TNFSF4: variants seen among roughly 807,000 people sequenced by gnomAD.
The protein encoded by TNFSF4 is tumor necrosis factor ligand superfamily member 4.
Under a neutral mutation model 7.3 loss-of-function variants are expected in TNFSF4, and 4 were observed. That is an observed-to-expected ratio of 0.55 (90% CI 0.27 to 1.25). TNFSF4 has a LOEUF of 1.25. TNFSF4 is among the 50% of genes most tolerant of loss of function. The pLI, the probability that TNFSF4 is intolerant of heterozygous loss-of-function variation, is 0.12. For missense variants in TNFSF4, 181 were observed against 208.8 expected (o/e 0.87, Z 0.82); for synonymous variants, 76 against 83.7 (o/e 0.91, Z 0.50).
chr1:173,312,846 C>T, the TNFSF4 span, among the ~76,000 whole-genome samples: 3 of 152,202 alleles, frequency 2.0e-5, no homozygotes, highest in East Asian at 5.8e-4. Flanking sequence ...GAAAGAAGTA[C>T]CTGCTACACG....
the TNFSF4 span, among the ~76,000 whole-genome samples, chr1:173,432,069 T>C: frequency 3.9e-5 from 6 of 152,140 alleles, no homozygotes; most frequent in Non-Finnish European, 8.8e-5. Flanking sequence ...CCTAAGAGGG[T>C]AGAAGCAGAA....
chr1:173,301,511 G>A, the TNFSF4 span, among the ~76,000 whole-genome samples: 1 of 151,834 alleles, frequency 6.6e-6, no homozygotes. Flanking sequence ...GCAGCTATTA[G>A]TATTAACTAT....
chr1:173,343,616 T>C, the TNFSF4 span, among the ~76,000 whole-genome samples: 2 of 152,240 alleles, frequency 1.3e-5, no homozygotes, highest in Non-Finnish European at 2.9e-5. Flanking sequence ...CTTCTCTGAA[T>C]ATCCCTCCCC....
At chr1:173,390,486 C>G in the TNFSF4 span, among the ~76,000 whole-genome samples, 1 of 152,140 alleles carries the variant, frequency 6.6e-6, no homozygotes, top group East Asian at 1.9e-4. Context: ...TGTACTCTGT[C>G]TGGCATTTCT....
the TNFSF4 span, among the ~76,000 whole-genome samples, chr1:173,283,958 G>A: frequency 5.3e-5 from 8 of 150,534 alleles, no homozygotes; most frequent in Non-Finnish European, 1.0e-4. Flanking sequence ...GTTCTTGAAG[G>A]AAATCATAAG....
chr1:173,263,851 A>G, the TNFSF4 span, among the ~76,000 whole-genome samples: 235 of 152,338 alleles, frequency 1.5e-3, no homozygotes, highest in African/African-American at 5.4e-3. Flanking sequence ...TCCAGAGAGG[A>G]AAAGGCTGTG....
chr1:173,276,654 TTTTCTA>T, the TNFSF4 span, among the ~76,000 whole-genome samples: 1 of 152,116 alleles, frequency 6.6e-6, no homozygotes, highest in Non-Finnish European at 1.5e-5. Context: ...TTTGTGGGAG[TTTTCTA>T]TTTGACATTT....
chr1:173,186,505 C>A lies in TNFSF4; in HGVS notation c.*11G>T. On this transcript the variant is annotated 3_prime_UTR_variant, in exon 3 of 3. Transcript: ENST00000281834. ...TGCTGGTGCCTGGTTTTAGATATTG[C>A]CATCAGCCCCTCAAAGGACACAGAA... 6.3e-7 allele frequency: 1 copy of A among 1,595,880 alleles called. No homozygotes were observed.
At chr1:173,384,568 C>G in the TNFSF4 span, among the ~76,000 whole-genome samples, 1 of 152,202 alleles carries the variant, frequency 6.6e-6, no homozygotes, top group Non-Finnish European at 1.5e-5. Flanking sequence ...CTGACCCCCT[C>G]TTCCAGCACC....
At chr1:173,409,908 G>T in the TNFSF4 span, among the ~76,000 whole-genome samples, 2 of 152,162 alleles carry the variant, frequency 1.3e-5, no homozygotes, top group East Asian at 3.8e-4. Context: ...ACACCCTCCT[G>T]CTGCATTCAA....
At chr1:173,192,520 T>C (rs1285671288) in intron 1 of TNFSF4, among the ~76,000 whole-genome samples, 3 of 151,990 alleles carry the variant, frequency 2.0e-5, no homozygotes, top group Admixed American at 2.0e-4. Flanking sequence ...AGCAAAACTA[T>C]GGAGATTAAA....
the TNFSF4 span, among the ~76,000 whole-genome samples, chr1:173,176,262 G>C: frequency 6.6e-6 from 1 of 151,352 alleles, no homozygotes; most frequent in Admixed American, 6.6e-5. Flanking sequence ...TACCAGTATG[G>C]ACAAAAAAAA....
chr1:173,327,177 C>A, the TNFSF4 span, among the ~76,000 whole-genome samples: 1 of 152,070 alleles, frequency 6.6e-6, no homozygotes, highest in South Asian at 2.1e-4. Flanking sequence ...AGATATAGAC[C>A]AATGGAACAG....
At chr1:173,328,563 C>A in the TNFSF4 span, among the ~76,000 whole-genome samples, 3 of 150,228 alleles carry the variant, frequency 2.0e-5, no homozygotes, top group Admixed American at 6.6e-5. Flanking sequence ...AGTTTACCCC[C>A]CCCCAAAAAA....
the TNFSF4 span, among the ~76,000 whole-genome samples, chr1:173,415,986 C>G: frequency 6.6e-6 from 1 of 152,126 alleles, no homozygotes; most frequent in Non-Finnish European, 1.5e-5. Context: ...CCAGGTCCAC[C>G]GGGCCTCTGC....
the TNFSF4 span, among the ~76,000 whole-genome samples, chr1:173,304,519 A>C: frequency 6.6e-6 from 1 of 152,026 alleles, no homozygotes; most frequent in Non-Finnish European, 1.5e-5. Context: ...CACCATTGTT[A>C]AGGCAAAATG....
the TNFSF4 span, among the ~76,000 whole-genome samples, chr1:173,240,523 T>C: frequency 5.5e-3 from 841 of 152,312 alleles, 6 homozygotes; most frequent in African/African-American, 0.018. Flanking sequence ...AAATGTAAAC[T>C]TAAATTATTA....
downstream of TNFSF4, among the ~76,000 whole-genome samples, chr1:173,180,036 T>C (rs137879775): frequency 1.8e-4 from 27 of 152,300 alleles, no homozygotes; most frequent in East Asian, 5.2e-3. Context: ...AAGTAGACCA[T>C]CCCATTTTTT....
chr1:173,265,127 A>G, the TNFSF4 span, among the ~76,000 whole-genome samples: 2 of 152,200 alleles, frequency 1.3e-5, no homozygotes, highest in Non-Finnish European at 2.9e-5. Flanking sequence ...TAGACCCCGC[A>G]GAAGTTTTTA....
Sources: gnomAD v4.1 joint callset for allele counts (sites outside exome capture counted in the v4.1 genomes callset) on GRCh38, gnomAD v4.1.1 for gene constraint, MANE v1.5 for transcripts, NCBI Gene and HGNC (gene_info 2026-07-23, HGNC 2026-07-21) for gene names.